The following JARID2 variants were observed in gnomAD, a reference collection of about 807,000 sequenced individuals.
JARID2 encodes jumonji and AT-rich interaction domain containing 2.
JARID2 carries 21 observed loss-of-function variants against 125.6 expected under a neutral mutation model. That is an observed-to-expected ratio of 0.17 (90% confidence interval 0.12 to 0.24). JARID2 has a LOEUF of 0.24. Ranked by LOEUF, JARID2 falls within the 10% of genes least tolerant of loss-of-function variation. The pLI is 1.00. For synonymous variants in JARID2, 736 were observed against 661.6 expected (o/e 1.11, Z -1.73); for missense variants, 1,303 against 1,639.6 (o/e 0.79, Z 3.55).
chr6:15,272,485 A>G (rs1016039722), intron 1 of JARID2, among the ~76,000 whole-genome samples: 2 of 152,204 alleles, frequency 1.3e-5, no homozygotes, highest in Non-Finnish European at 2.9e-5. Context: ...CCATTGATTG[A>G]ATGTATACCT....
intron 5 of JARID2, among the ~76,000 whole-genome samples, chr6:15,474,950 T>G (rs948342630): frequency 1.3e-5 from 2 of 152,226 alleles, no homozygotes; most frequent in Non-Finnish European, 2.9e-5. Flanking sequence ...TTGCTGAAAG[T>G]CAGTAATAAT....
At chr6:15,501,885 C>T (rs187839874) in intron 8 of JARID2, among the ~76,000 whole-genome samples, 284 of 152,318 alleles carry the variant, frequency 1.9e-3, no homozygotes, top group South Asian at 3.7e-3. Context: ...CCTGCTTCTC[C>T]AGTTCCGTTT....
chr6:15,458,625 T>C (rs1371295614), intron 4 of JARID2, among the ~76,000 whole-genome samples: 1 of 152,172 alleles, frequency 6.6e-6, no homozygotes, highest in Non-Finnish European at 1.5e-5. Flanking sequence ...AAAGCAGTAT[T>C]GGTGGTGGGT....
intron 5 of JARID2, among the ~76,000 whole-genome samples, chr6:15,470,238 T>TA (rs1159454602): frequency 6.6e-6 from 1 of 151,096 alleles, no homozygotes; most frequent in Non-Finnish European, 1.5e-5. Context: ...AGTCAGGAGA[T>TA]ATGGCTGTTT....
At chr6:15,348,028 A>G (rs1763299999) in intron 1 of JARID2, among the ~76,000 whole-genome samples, 1 of 152,132 alleles carries the variant, frequency 6.6e-6, no homozygotes, top group Admixed American at 6.5e-5. Context: ...GGTGTGAGCC[A>G]CCACACCCAG....
chr6:15,418,752 G>A (rs1766352660), intron 3 of JARID2, among the ~76,000 whole-genome samples: 1 of 152,076 alleles, frequency 6.6e-6, no homozygotes, highest in South Asian at 2.1e-4. Flanking sequence ...ATCATTGGAA[G>A]TGTATGGATT....
At chr6:15,265,579 TG>T (rs1280459016) in intron 1 of JARID2, among the ~76,000 whole-genome samples, 16 of 152,028 alleles carry the variant, frequency 1.1e-4, no homozygotes, top group African/African-American at 3.9e-4. Context: ...TCTCTCCCCA[TG>T]GGTACAGAAG....
At chr6:15,512,552 G>C (rs188475904) in intron 14 of JARID2, among the ~76,000 whole-genome samples, 162 bp downstream of exon 14, 90 of 152,310 alleles carry the variant, frequency 5.9e-4, no homozygotes, top group African/African-American at 2.0e-3. Context: ...AGGTCTTCTA[G>C]GAATGAAAAG....
intron 4 of JARID2, among the ~76,000 whole-genome samples, chr6:15,461,113 A>T (rs554163147): frequency 3.9e-5 from 6 of 152,338 alleles, no homozygotes; most frequent in Non-Finnish European, 8.8e-5. Flanking sequence ...ATATTCAGTG[A>T]GATGAAGCGA....
At chr6:15,500,160 A>T (rs1176905365) in intron 7 of JARID2, among the ~76,000 whole-genome samples, 1 of 151,940 alleles carries the variant, frequency 6.6e-6, no homozygotes, top group Non-Finnish European at 1.5e-5. Context: ...GCGCGTTAAA[A>T]CCTGCCCAGG....
At chr6:15,481,233 A>C (rs775434662) in intron 5 of JARID2, among the ~76,000 whole-genome samples, 1 of 152,254 alleles carries the variant, frequency 6.6e-6, no homozygotes, top group Non-Finnish European at 1.5e-5. Context: ...TGTGTATACA[A>C]ATCAATATAT....
chr6:15,327,777 T>C (rs926375096), intron 1 of JARID2, among the ~76,000 whole-genome samples: 1 of 152,202 alleles, frequency 6.6e-6, no homozygotes, highest in Admixed American at 6.5e-5. Context: ...ATGAATGGGC[T>C]TGGTTGTGAC....
At chr6:15,336,779 C>G (rs936457926) in intron 1 of JARID2, among the ~76,000 whole-genome samples, 1 of 151,774 alleles carries the variant, frequency 6.6e-6, no homozygotes, top group Non-Finnish European at 1.5e-5. Context: ...TCCATCTGGG[C>G]TCAAGTGATC....
intron 2 of JARID2, chr6:15,401,040 C>G (rs1485181947): frequency 1.6e-6 from 2 of 1,289,178 alleles, no homozygotes; most frequent in South Asian, 2.5e-5. Context: ...AAATAAAAGA[C>G]AAACCAAATA....
intron 1 of JARID2, among the ~76,000 whole-genome samples, chr6:15,362,506 G>A (rs1763834060): frequency 1.3e-5 from 2 of 152,190 alleles, no homozygotes. Context: ...TTTGGACACG[G>A]GGTCTGACGA....
intron 3 of JARID2, among the ~76,000 whole-genome samples, chr6:15,428,413 C>T (rs1043880870): frequency 5.9e-5 from 9 of 152,114 alleles, no homozygotes; most frequent in East Asian, 3.9e-4. Context: ...AATGCTATCC[C>T]TCCACCCTCC....
At chr6:15,444,231 A>G (rs1162772407) in intron 3 of JARID2, among the ~76,000 whole-genome samples, 1 of 152,096 alleles carries the variant, frequency 6.6e-6, no homozygotes. Context: ...GGTAAATCAA[A>G]CCCTGACCGT....
intron 1 of JARID2, chr6:15,369,230 T>C (rs1158231163): frequency 1.2e-5 from 4 of 346,320 alleles, no homozygotes; most frequent in African/African-American, 8.4e-5. Context: ...TAGAGATAAC[T>C]TGCAATGCCA....
Position 15,496,456 on chromosome 6 carries a change from G to A in JARID2, c.1231G>A (p.Gly411Ser), listed in dbSNP as rs372286993. Residue 411 changes from glycine (G) to serine (S), a missense_variant, in exon 7 of 18, where the codon GGC becomes AGC. Around this residue, in one of 11 missense-constraint regions of JARID2, gnomAD observed 651 missense variants for 581.6 expected, o/e 1.12. Transcript: ENST00000341776. ...CGCCGTCAATGGCCTCAAGGTCAGT[G>A]GCAGGTTGAACCCAAAGTCATGCAC... ...GPAVNGLKVS[G>S]RLNPKSCTKE... The A allele has an allele frequency of 1.3e-5, 21 of 1,613,560 alleles. No individual in the cohort carries two copies. The African/African-American group carries it at 2.8e-4, about 22-fold the overall frequency.
Sources: allele counts gnomAD v4.1 joint callset (sites outside exome capture counted in the v4.1 genomes callset), GRCh38; gene constraint gnomAD v4.1.1; regional missense constraint gnomAD v4.1.1; transcripts MANE v1.5; gene names NCBI Gene and HGNC (gene_info 2026-07-23, HGNC 2026-07-21).